The following FRMD3 variants were observed in gnomAD, a reference collection of about 807,000 sequenced individuals.
FRMD3 encodes the protein FERM domain-containing protein 3.
A neutral mutation model predicts 70.2 loss-of-function variants in FRMD3; 33 were observed. That is an observed-to-expected ratio of 0.47 (90% CI 0.36 to 0.63). FRMD3 has a LOEUF of 0.63. FRMD3 is among the 20% of genes least tolerant of loss of function. The probability of loss-of-function intolerance (pLI) is 0.00; values close to 1 mark genes in which losing one functional copy is unlikely to be tolerated. For synonymous variants in FRMD3, 279 were observed against 255.9 expected, an observed-to-expected ratio of 1.09 and a Z score of -0.86; for missense variants, 632 against 711.4, an observed-to-expected ratio of 0.89 and a Z score of 1.27.
rs1021458232 is a variant in FRMD3, at chr9:83,246,098, G to T, written c.*1820C>A. The stretch of plus-strand genomic sequence containing the variant: ...ACTCATTTCCAAAATTAAATGTCCA[G>T]TGAAGTACTCAGAGCTCCACTGAGT... On this transcript the variant is annotated 3_prime_UTR_variant, in exon 14 of 14. Coordinates refer to ENST00000304195, the MANE Select transcript of FRMD3 (RefSeq NM_174938.6). The T allele has an allele frequency of 1.1e-5, 11 of 985,210 alleles. No individual in the cohort carries two copies. In the African/African-American group the frequency reaches 1.9e-4, roughly 17 times the overall value. The allele number at this position is 985,210 out of a possible 1,614,324, so 61.0% of individuals were successfully genotyped here. A position where few individuals can be genotyped will look rare whatever the true frequency, so the allele number is the denominator to read the frequency against.
the FRMD3 span, among the ~76,000 whole-genome samples, chr9:83,583,893 C>T: frequency 1.3e-5 from 2 of 152,226 alleles, no homozygotes; most frequent in Non-Finnish European, 2.9e-5. Context: ...TGAGCCACTG[C>T]AGCCAGTGGA....
At chr9:83,305,273 T>C (rs1450099859) in intron 10 of FRMD3, among the ~76,000 whole-genome samples, 3 of 151,726 alleles carry the variant, frequency 2.0e-5, no homozygotes, top group Non-Finnish European at 2.9e-5. Flanking sequence ...TGAAAAGGAG[T>C]GGGCTCTTCA....
downstream of FRMD3, among the ~76,000 whole-genome samples, chr9:83,243,644 A>G (rs17086102): frequency 0.1 from 15,281 of 152,114 alleles, 1,001 homozygotes; most frequent in East Asian, 0.17. Context: ...GCTTCCTCAC[A>G]TCTGAATGCT....
At chr9:83,557,216 T>A in the FRMD3 span, among the ~76,000 whole-genome samples, 1 of 152,174 alleles carries the variant, frequency 6.6e-6, no homozygotes, top group East Asian at 1.9e-4. Context: ...GGCATCATAT[T>A]TGCAGTTATC....
At chr9:83,424,597 A>G (rs12337733) in intron 1 of FRMD3, among the ~76,000 whole-genome samples, 22,573 of 152,222 alleles carry the variant, frequency 0.15, 2,359 homozygotes, top group African/African-American at 0.29. Flanking sequence ...ATGAAAAAGA[A>G]GAAAGAAGCT....
chr9:83,344,106 T>A (rs1452673150), intron 4 of FRMD3, among the ~76,000 whole-genome samples: 3 of 152,240 alleles, frequency 2.0e-5, no homozygotes, highest in Non-Finnish European at 4.4e-5. Flanking sequence ...GCTCATTTTG[T>A]CCCTGTCCTT....
intron 1 of FRMD3, among the ~76,000 whole-genome samples, chr9:83,522,842 C>T (rs1045077444): frequency 6.6e-6 from 1 of 152,230 alleles, no homozygotes; most frequent in Non-Finnish European, 1.5e-5. Flanking sequence ...GGATTACAGG[C>T]GTGAGCCACC....
At chr9:83,509,570 T>A (rs1829289850) in intron 1 of FRMD3, among the ~76,000 whole-genome samples, 1 of 152,200 alleles carries the variant, frequency 6.6e-6, no homozygotes, top group Non-Finnish European at 1.5e-5. Context: ...CGTCCTGTGG[T>A]CCTTATCCTG....
intron 13 of FRMD3, among the ~76,000 whole-genome samples, chr9:83,261,286 C>A (rs1832980062): frequency 6.6e-6 from 1 of 152,154 alleles, no homozygotes; most frequent in African/African-American, 2.4e-5. Flanking sequence ...TAGGCTTCAT[C>A]CTTGCAGACT....
chr9:83,538,224 G>A lies in FRMD3; in HGVS notation c.8C>T (p.Ala3Val), dbSNP rs1278554883. 4.4e-6 allele frequency: 7 copies of A among 1,573,306 alleles called. No homozygotes were observed. Among genetic ancestry groups the A allele is most frequent in the South Asian group, 1.1e-5 (1 of 86,982 alleles). The change falls in exon 1 of 14, where the codon GCC (alanine) becomes GTC (valine). Residue 3 changes from alanine to valine, a missense_variant. This residue lies in a region of FRMD3 where 208 missense variants were observed against 247.7 expected (regional missense o/e 0.84). Transcript: ENST00000304195. This position sits in a 1 kb window ranked among gnomAD's most constrained non-coding sequence, Gnocchi z 4.7. MF[A>V]SCHCVPRGRR... Reference sequence around the variant, plus strand: ...GCCTCTCGGCACACAGTGGCAGGAGGCGAACATGCACCGCGGCCGTGGGGA... The same window carrying A: ...GCCTCTCGGCACACAGTGGCAGGAGACGAACATGCACCGCGGCCGTGGGGA...
intron 12 of FRMD3, among the ~76,000 whole-genome samples, chr9:83,295,428 A>C (rs182649047): frequency 2.0e-5 from 3 of 152,316 alleles, no homozygotes; most frequent in Admixed American, 1.3e-4. Context: ...TTTAATGTGA[A>C]TGTATCTGTC....
At chr9:83,339,259 C>T (rs116767267) in intron 5 of FRMD3, among the ~76,000 whole-genome samples, 2,782 of 152,274 alleles carry the variant, frequency 0.018, 75 homozygotes, top group African/African-American at 0.063. Flanking sequence ...TTCCCTAAAG[C>T]TTGTCTTTAA....
chr9:83,266,287 T>C (rs1237109611), intron 13 of FRMD3, among the ~76,000 whole-genome samples: 3 of 152,186 alleles, frequency 2.0e-5, no homozygotes, highest in Non-Finnish European at 4.4e-5. Context: ...ATAATCAATT[T>C]CGTCTCAATT....
intron 3 of FRMD3, among the ~76,000 whole-genome samples, chr9:83,365,675 G>A (rs929672247): frequency 5.9e-5 from 9 of 152,112 alleles, no homozygotes; most frequent in African/African-American, 1.7e-4. Flanking sequence ...GGTGTAGGGG[G>A]CAAGATAAAA....
At chr9:83,570,445 G>C in the FRMD3 span, among the ~76,000 whole-genome samples, 2 of 152,114 alleles carry the variant, frequency 1.3e-5, no homozygotes, top group Non-Finnish European at 2.9e-5. Flanking sequence ...ATCTGCATTG[G>C]TTTTCTACTG....
rs565176945 is a variant in FRMD3, at chr9:83,455,894, G to A, written c.148-66186C>T. 1.1e-4 allele frequency among the ~76,000 whole-genome samples: 16 copies of A among 152,292 alleles called. 1 individual carries two copies. In the South Asian group the frequency reaches 3.3e-3, roughly 32 times the overall value. ...TAGAATAATAAAAAAGAAGTTCAGT[G>A]TGTTCCATAATCATTAAAAATATTG... On this transcript the variant is annotated intron_variant, in intron 1 of 13. Transcript: ENST00000304195.
intron 1 of FRMD3, among the ~76,000 whole-genome samples, chr9:83,392,010 T>TG (rs1349478413): frequency 4.6e-5 from 7 of 152,068 alleles, no homozygotes; most frequent in African/African-American, 1.7e-4. Context: ...TGAGAAGCAT[T>TG]GGTCCAGGAG....
intron 12 of FRMD3, among the ~76,000 whole-genome samples, chr9:83,292,083 T>C (rs963983268): frequency 2.6e-5 from 4 of 152,176 alleles, no homozygotes; most frequent in Non-Finnish European, 5.9e-5. Flanking sequence ...CAGAGAACTG[T>C]AGTCCTCACC....
intron 13 of FRMD3, among the ~76,000 whole-genome samples, chr9:83,272,113 C>T (rs560736896): frequency 2.6e-5 from 4 of 151,826 alleles, no homozygotes; most frequent in African/African-American, 7.2e-5. Flanking sequence ...CCTCTCTCTC[C>T]TCTGTCTCCC....
Sources: gnomAD v4.1 joint callset for allele counts (sites outside exome capture counted in the v4.1 genomes callset) on GRCh38, gnomAD v4.1.1 for gene constraint, gnomAD v4.1.1 regional missense constraint, Gnocchi (gnomAD v3.1) non-coding constraint, MANE v1.5 for transcripts, NCBI Gene and HGNC (gene_info 2026-07-23, HGNC 2026-07-21) for gene names.